The following LYN variants were observed in gnomAD, a reference collection of about 807,000 sequenced individuals.
LYN encodes the protein LYN proto-oncogene, Src family tyrosine kinase.
A neutral mutation model predicts 65.0 loss-of-function variants in LYN; 12 were observed. The observed-to-expected ratio is 0.18, with a 90% CI of 0.12 to 0.30. LYN has a LOEUF of 0.30. LYN is among the 10% of genes least tolerant of loss of function. The pLI is 1.00. For synonymous variants in LYN, 222 were observed against 221.2 expected (o/e 1.00, Z -0.03); for missense variants, 380 against 623.2 (o/e 0.61, Z 4.16).
chr8:55,891,427 A>T (rs941479857), intron 1 of LYN, among the ~76,000 whole-genome samples: 21 of 152,176 alleles, frequency 1.4e-4, no homozygotes, highest in Non-Finnish European at 5.9e-5. Flanking sequence ...TAAGTGAAAT[A>T]AGCCAGACAC....
At chr8:55,969,946 T>C (rs1478390824) in intron 10 of LYN, among the ~76,000 whole-genome samples, 153 bp downstream of exon 10, 1 of 152,230 alleles carries the variant, frequency 6.6e-6, no homozygotes, top group Non-Finnish European at 1.5e-5. Context: ...AATACAATTC[T>C]TGGAGATAGT....
chr8:55,999,947 C>T (rs990403611), intron 12 of LYN, among the ~76,000 whole-genome samples: 1 of 152,170 alleles, frequency 6.6e-6, no homozygotes, highest in African/African-American at 2.4e-5. Context: ...CTCCAGCCTA[C>T]ACGACAGAGT....
chr8:55,910,316 T>C (rs979341371), intron 1 of LYN, among the ~76,000 whole-genome samples: 1 of 152,196 alleles, frequency 6.6e-6, no homozygotes, highest in African/African-American at 2.4e-5. Flanking sequence ...CTTGAGTTGA[T>C]TTTTGTATAT....
intron 1 of LYN, among the ~76,000 whole-genome samples, chr8:55,926,077 T>C (rs755529354): frequency 2.0e-5 from 3 of 152,248 alleles, no homozygotes; most frequent in Non-Finnish European, 4.4e-5. Flanking sequence ...GAAATCTTTA[T>C]CACTTTCAAG....
At chr8:55,961,228 A>T (rs1429224809) in intron 8 of LYN, among the ~76,000 whole-genome samples, 3 of 152,200 alleles carry the variant, frequency 2.0e-5, no homozygotes, top group Non-Finnish European at 4.4e-5. Flanking sequence ...GAGTGCTCTC[A>T]AGGTGCCACA....
chr8:56,009,924 C>G lies in LYN; in HGVS notation c.1353C>G (p.Asp451Glu). The change falls in exon 13 of 13, where the codon GAC becomes GAG. Residue 451 changes from aspartate to glutamate, a missense_variant. Around this residue, in one of 2 missense-constraint regions of LYN, gnomAD observed 223 missense variants for 430.0 expected, o/e 0.52. Coordinates refer to ENST00000519728, the MANE Select transcript of LYN (RefSeq NM_002350.4). The stretch of plus-strand genomic sequence containing the variant: ...CCACCCTAGGGAGAACTAATGCCGA[C>G]GTGATGACCGCCCTGTCCCAGGGCT... ...KIPYPGRTNA[D>E]VMTALSQGYR... is the part of the protein sequence containing the mutation. The G allele has an allele frequency of 6.2e-7, 1 of 1,613,862 alleles. No individual in the cohort carries two copies. Among genetic ancestry groups the G allele is most frequent in the East Asian group, 2.2e-5 (1 of 44,882 alleles).
At chr8:56,008,886 T>C (rs1808743513) in intron 12 of LYN, among the ~76,000 whole-genome samples, 1 of 152,334 alleles carries the variant, frequency 6.6e-6, no homozygotes, top group African/African-American at 2.4e-5. Context: ...TCCTCCTCAA[T>C]TAATATCTTG....
At chr8:55,929,731 A>G (rs1238705026) in intron 1 of LYN, among the ~76,000 whole-genome samples, 1 of 152,238 alleles carries the variant, frequency 6.6e-6, no homozygotes, top group Non-Finnish European at 1.5e-5. Flanking sequence ...AGTATCCTAC[A>G]ATACACAGAA....
At chr8:55,981,274 C>T (rs1025942446) in intron 10 of LYN, among the ~76,000 whole-genome samples, 7 of 152,160 alleles carry the variant, frequency 4.6e-5, no homozygotes, top group Admixed American at 6.5e-5. Flanking sequence ...TCTCGGTCCC[C>T]GCCCATTTCT....
chr8:55,900,082 G>A (rs7012039), intron 1 of LYN, among the ~76,000 whole-genome samples: 48 of 152,076 alleles, frequency 3.2e-4, no homozygotes, highest in Non-Finnish European at 4.1e-4. Context: ...GCTGCCACTC[G>A]AACTTCAGGA....
chr8:55,923,834 C>G (rs147609093), intron 1 of LYN, among the ~76,000 whole-genome samples: 1 of 151,768 alleles, frequency 6.6e-6, no homozygotes, highest in Non-Finnish European at 1.5e-5. Context: ...CCACCGCGCC[C>G]GGCCAAGATC....
intron 9 of LYN, among the ~76,000 whole-genome samples, chr8:55,967,167 C>T (rs1215862765): frequency 2.7e-5 from 4 of 149,002 alleles, no homozygotes; most frequent in African/African-American, 9.9e-5. Context: ...CTAGTAGCCC[C>T]CAATAAATAT....
intron 1 of LYN, among the ~76,000 whole-genome samples, chr8:55,904,950 T>A (rs1805378153): frequency 6.6e-6 from 1 of 152,056 alleles, no homozygotes; most frequent in Non-Finnish European, 1.5e-5. Flanking sequence ...TGGGGAGCAT[T>A]TAAACCTCCC....
intron 1 of LYN, among the ~76,000 whole-genome samples, chr8:55,882,569 A>G (rs1019027977): frequency 1.3e-5 from 2 of 152,220 alleles, no homozygotes; most frequent in Admixed American, 6.5e-5. Flanking sequence ...TGATGCATGG[A>G]TGAGTGTTAA....
intron 12 of LYN, among the ~76,000 whole-genome samples, chr8:56,000,010 T>C (rs937427581): frequency 2.0e-5 from 3 of 152,206 alleles, no homozygotes; most frequent in South Asian, 2.1e-4. Flanking sequence ...TCACTATCTT[T>C]AGCATAAATT....
At chr8:55,938,105 T>A (rs927527278) in intron 1 of LYN, among the ~76,000 whole-genome samples, 2 of 152,234 alleles carry the variant, frequency 1.3e-5, no homozygotes, top group African/African-American at 4.8e-5. Context: ...TGAATGAGGA[T>A]GAGCCACCCC....
At chr8:56,004,363 G>A (rs1048099488) in intron 12 of LYN, among the ~76,000 whole-genome samples, 30 of 145,506 alleles carry the variant, frequency 2.1e-4, no homozygotes, top group African/African-American at 7.5e-4. Context: ...GTGTGATATC[G>A]GCTCACTGCA....
intron 1 of LYN, among the ~76,000 whole-genome samples, chr8:55,905,559 C>A (rs1339597740): frequency 6.6e-6 from 1 of 152,148 alleles, no homozygotes; most frequent in Non-Finnish European, 1.5e-5. Context: ...TGCTAGCTAC[C>A]CAGCTAGAAA....
In LYN at chr8:56,010,300, T is replaced by C. The variant is rs1808779246; in HGVS notation, c.*190T>C. The stretch of plus-strand genomic sequence containing the variant: ...AAGTATTCTGTACTCTTAGATGGAT[T>C]CTCCACTCAGTTGCAACTTGGACTT... On this transcript the variant is annotated 3_prime_UTR_variant, in exon 13 of 13. Transcript: ENST00000519728. 1.7e-6 allele frequency: 1 copy of C among 581,028 alleles called. No individual in the cohort carries two copies. The highest frequency in any genetic ancestry group is 3.0e-6 in the Non-Finnish European group (1 of 331,584). The allele number at this position is 581,028 out of a possible 1,614,324, so 36.0% of individuals were successfully genotyped here. A position where few individuals can be genotyped will look rare whatever the true frequency, so the allele number is the denominator to read the frequency against.
Sources: allele counts gnomAD v4.1 joint callset (sites outside exome capture counted in the v4.1 genomes callset), GRCh38; gene constraint gnomAD v4.1.1; regional missense constraint gnomAD v4.1.1; transcripts MANE v1.5; gene names NCBI Gene and HGNC (gene_info 2026-07-23, HGNC 2026-07-21).